Variants in MAGEC3 observed in about 807,000 individuals in gnomAD.
The protein encoded by MAGEC3 is melanoma-associated antigen C3.
MAGEC3 carries 34 observed loss-of-function variants against 35.3 expected under a neutral mutation model. The observed-to-expected ratio is 0.96, with a 90% CI of 0.73 to 1.28. MAGEC3 has a LOEUF of 1.28. Ranked by LOEUF, MAGEC3 falls within the 50% of genes most tolerant of loss-of-function variation. MAGEC3 has a pLI of 0.00. For missense variants in MAGEC3, 561 were observed against 483.6 expected (o/e 1.16, Z -1.50); for synonymous variants, 202 against 185.6 (o/e 1.09, Z -0.72).
At chrX:141,876,851 T>C (rs2017922833) in intron 2 of MAGEC3, among the ~76,000 whole-genome samples, 1 of 112,378 alleles carries the variant, frequency 8.9e-6, no homozygotes, top group Admixed American at 9.4e-5. Context: ...TGTTTATACA[T>C]GTTTTGTTGG....
chrX:141,850,778 AAAG>A (rs1236236685), intron 1 of MAGEC3, among the ~76,000 whole-genome samples: 1 of 111,609 alleles, frequency 9.0e-6, no homozygotes, highest in Non-Finnish European at 1.9e-5. Context: ...TATAGACTTT[AAAG>A]AAGATAAAAA....
intron 3 of MAGEC3, among the ~76,000 whole-genome samples, chrX:141,879,970 A>T (rs768158551): frequency 2.7e-5 from 3 of 111,539 alleles, no homozygotes; most frequent in Non-Finnish European, 5.7e-5. Flanking sequence ...GCCACCTCAG[A>T]GGACAGACTC....
chrX:141,858,964 CA>C (rs1297233039), intron 1 of MAGEC3, among the ~76,000 whole-genome samples: 1 of 110,569 alleles, frequency 9.0e-6, no homozygotes, highest in Non-Finnish European at 1.9e-5. Flanking sequence ...TTCTTCCAGT[CA>C]CCTTGTGTAA....
chrX:141,884,269 A>G (rs1276405287), intron 4 of MAGEC3, among the ~76,000 whole-genome samples: 5 of 112,063 alleles, frequency 4.5e-5, no homozygotes, highest in Non-Finnish European at 9.4e-5. Flanking sequence ...AAAAGCAGGC[A>G]GAAGAATGTA....
At chrX:141,845,132 T>A (rs1023254836) in intron 1 of MAGEC3, among the ~76,000 whole-genome samples, 5 of 111,169 alleles carry the variant, frequency 4.5e-5, no homozygotes, top group Non-Finnish European at 9.5e-5. Flanking sequence ...GTAGGAAATC[T>A]CAAAAATAAT....
At chrX:141,879,643 A>T (rs919882259) in intron 3 of MAGEC3, among the ~76,000 whole-genome samples, 1 of 110,356 alleles carries the variant, frequency 9.1e-6, no homozygotes, top group Non-Finnish European at 1.9e-5. Context: ...TGGTTCCTCC[A>T]TAGAGAGGAG....
At chrX:141,838,506 G>T in intron 1 of MAGEC3, 68 bp downstream of exon 1, 1 of 1,164,674 alleles carries the variant, frequency 8.6e-7, no homozygotes, top group African/African-American at 1.7e-5. Flanking sequence ...TTGCATCTCA[G>T]CCTCAGTGTT....
At chrX:141,853,817 T>G (rs2124090386) in intron 1 of MAGEC3, among the ~76,000 whole-genome samples, 1 of 111,699 alleles carries the variant, frequency 9.0e-6, no homozygotes, top group African/African-American at 3.2e-5. Context: ...AACCCCCTCT[T>G]ATGTTTCCTG....
At chrX:141,884,229 A>G (rs2017986179) in intron 4 of MAGEC3, among the ~76,000 whole-genome samples, 2 of 112,408 alleles carry the variant, frequency 1.8e-5, no homozygotes, top group Admixed American at 1.9e-4. Context: ...CATGGGCACA[A>G]TCTAATCAGC....
intron 2 of MAGEC3, among the ~76,000 whole-genome samples, chrX:141,875,750 T>C (rs1386476570): frequency 9.0e-6 from 1 of 111,717 alleles, no homozygotes; most frequent in Non-Finnish European, 1.9e-5. Context: ...GAAGAACAAC[T>C]CCATGAAGAT....
At chrX:141,880,421 G>A in intron 3 of MAGEC3, 1 of 133,396 alleles carries the variant, frequency 7.5e-6, no homozygotes, top group Non-Finnish European at 1.5e-5. Context: ...GGCTCTGGGA[G>A]TCTGGTCAGC....
intron 3 of MAGEC3, 48 bp downstream of exon 3, chrX:141,879,479 T>G (rs1603071269): frequency 1.0e-5 from 11 of 1,093,419 alleles, no homozygotes; most frequent in African/African-American, 4.0e-5. Flanking sequence ...GAGGAAAAGG[T>G]GGAGGGATAC....
chrX:141,890,053 CT>C lies in MAGEC3; in HGVS notation c.910-5213del, dbSNP rs777350314. Among the ~76,000 whole-genome samples, 10 of 111,807 alleles carry C rather than the reference CT, an allele frequency of 8.9e-5. No individual in the cohort carries two copies. The South Asian group carries it at 3.8e-3, about 42-fold the overall frequency. On this transcript the variant is annotated intron_variant, in intron 4 of 7. Coordinates refer to ENST00000298296, the MANE Select transcript of MAGEC3 (RefSeq NM_138702.1). ...TCATATCAGCATTTAAGTGTGTTAA[CT>C]TTATGTAATAGCATTTGGATTGGGG...
At chrX:141,882,566 C>T (rs2055859041) in intron 4 of MAGEC3, among the ~76,000 whole-genome samples, 1 of 112,024 alleles carries the variant, frequency 8.9e-6, no homozygotes, top group Non-Finnish European at 1.9e-5. Flanking sequence ...GTTACATTTC[C>T]TTATCCCGTT....
chrX:141,840,820 C>T (rs2017681418), intron 1 of MAGEC3, among the ~76,000 whole-genome samples: 1 of 109,176 alleles, frequency 9.2e-6, no homozygotes, highest in Admixed American at 9.8e-5. Flanking sequence ...AAAACAAACA[C>T]AAAAATGCTC....
chrX:141,861,480 A>G (rs2017814548), intron 1 of MAGEC3, among the ~76,000 whole-genome samples: 1 of 112,118 alleles, frequency 8.9e-6, no homozygotes, highest in Middle Eastern at 4.6e-3. Context: ...AACCAAAGTA[A>G]TCCTCAGCAA....
At chrX:141,866,691 T>C (rs766487234) in intron 2 of MAGEC3, among the ~76,000 whole-genome samples, 1 of 112,475 alleles carries the variant, frequency 8.9e-6, no homozygotes, top group African/African-American at 3.2e-5. Flanking sequence ...CTAGGGGATT[T>C]CATAAGTAAA....
intron 4 of MAGEC3, among the ~76,000 whole-genome samples, chrX:141,883,647 T>C (rs1315975667): frequency 1.1e-4 from 12 of 112,527 alleles, no homozygotes; most frequent in Admixed American, 1.0e-3. Flanking sequence ...AGTAACATTG[T>C]TTGAAGCAGG....
chrX:141,883,638 G>A (rs1237601936), intron 4 of MAGEC3, among the ~76,000 whole-genome samples: 1 of 112,371 alleles, frequency 8.9e-6, no homozygotes, highest in Non-Finnish European at 1.9e-5. Context: ...GATATTTGTA[G>A]TAACATTGTT....
Sources: gnomAD v4.1 joint callset for allele counts (sites outside exome capture counted in the v4.1 genomes callset) on GRCh38, gnomAD v4.1.1 for gene constraint, MANE v1.5 for transcripts, NCBI Gene and HGNC (gene_info 2026-07-23, HGNC 2026-07-21) for gene names.